GRIA1: variants seen among roughly 807,000 people sequenced by gnomAD.
GRIA1 encodes the protein glutamate receptor 1.
GRIA1 carries 31 observed loss-of-function variants against 99.2 expected under a neutral mutation model. That is an observed-to-expected ratio of 0.31 (90% CI 0.23 to 0.42). The LOEUF is 0.42. GRIA1 is among the 10% of genes least tolerant of loss of function. The pLI, the probability that GRIA1 is intolerant of heterozygous loss-of-function variation, is 1.00. For missense variants in GRIA1, 782 were observed against 1,157.5 expected, an observed-to-expected ratio of 0.68 and a Z score of 4.71; for synonymous variants, 438 against 432.4, an observed-to-expected ratio of 1.01 and a Z score of -0.16.
At chr5:153,594,065 G>A (rs981308471) in intron 2 of GRIA1, among the ~76,000 whole-genome samples, 4 of 152,130 alleles carry the variant, frequency 2.6e-5, no homozygotes, top group Non-Finnish European at 4.4e-5. Context: ...CATTGTGGCT[G>A]ATTAAAAAGT....
At chr5:153,701,800 G>A (rs1022863326) in intron 10 of GRIA1, among the ~76,000 whole-genome samples, 2 of 151,868 alleles carry the variant, frequency 1.3e-5, no homozygotes, top group Non-Finnish European at 2.9e-5. Context: ...TTCATTTGGA[G>A]GCTTCCAAAT....
rs1467087745 is a variant in GRIA1, at chr5:153,690,407, A to T, written c.1134+4078A>T. ...CTAGGCACATGACCTTGAACACATT[A>T]TTTAGCCTCCCTGCAAGTCATTACA... On this transcript the variant is annotated intron_variant, in intron 8 of 15. Transcript: ENST00000285900. Among the ~76,000 whole-genome samples the T allele has an allele frequency of 2.6e-5, 4 of 152,178 alleles. No individual in the cohort carries two copies. The East Asian group carries it at 7.7e-4, about 29-fold the overall frequency.
At chr5:153,519,399 G>A (rs1171134979) in intron 2 of GRIA1, among the ~76,000 whole-genome samples, 2 of 151,926 alleles carry the variant, frequency 1.3e-5, no homozygotes, top group Non-Finnish European at 2.9e-5. Flanking sequence ...ACCAAAGTTT[G>A]ACAACCACTA....
chr5:153,667,648 T>C (rs1281474836), intron 5 of GRIA1, among the ~76,000 whole-genome samples: 2 of 152,342 alleles, frequency 1.3e-5, no homozygotes, highest in Admixed American at 6.5e-5. Context: ...GTAGGTGCTA[T>C]ATCTGCATTT....
chr5:153,577,045 G>GATGA (rs2149369750), intron 2 of GRIA1, among the ~76,000 whole-genome samples: 1 of 123,064 alleles, frequency 8.1e-6, no homozygotes, highest in South Asian at 3.2e-4. Context: ...TGAATGGGTG[G>GATGA]ATGGATGGAT....
At chr5:153,707,594 GA>G (rs1758999361) in intron 11 of GRIA1, among the ~76,000 whole-genome samples, 1 of 152,148 alleles carries the variant, frequency 6.6e-6, no homozygotes, top group Admixed American at 6.5e-5. Flanking sequence ...GACAGATCTG[GA>G]GGCATAAGTG....
At chr5:153,497,108 T>C (rs1581129530) in intron 2 of GRIA1, among the ~76,000 whole-genome samples, 1 of 152,008 alleles carries the variant, frequency 6.6e-6, no homozygotes, top group Non-Finnish European at 1.5e-5. Context: ...CTGGCCAAGG[T>C]GAGAGTTTGG....
chr5:153,641,589 C>T (rs1398602383), intron 2 of GRIA1, among the ~76,000 whole-genome samples: 6 of 152,166 alleles, frequency 3.9e-5, no homozygotes, highest in African/African-American at 1.4e-4. Context: ...GGAGGCAGGG[C>T]CCTCAGAATC....
chr5:153,699,644 C>T (rs1009243818), intron 10 of GRIA1, among the ~76,000 whole-genome samples: 2 of 151,976 alleles, frequency 1.3e-5, no homozygotes, highest in African/African-American at 4.8e-5. Flanking sequence ...TATGAATGTG[C>T]CTTTTAATTG....
chr5:153,808,622 G>A (rs1375187911), intron 15 of GRIA1, among the ~76,000 whole-genome samples: 1 of 152,174 alleles, frequency 6.6e-6, no homozygotes, highest in African/African-American at 2.4e-5. Context: ...TCTAGGATAG[G>A]ATTCAGGCAT....
intron 2 of GRIA1, among the ~76,000 whole-genome samples, chr5:153,496,365 T>C (rs1320018698): frequency 6.6e-6 from 1 of 152,210 alleles, no homozygotes; most frequent in Non-Finnish European, 1.5e-5. Flanking sequence ...GTTAATTCTT[T>C]AAGTGTTTCT....
At chr5:153,576,926 TTGGATGGATGGATGGATGGA>T (rs574916178) in intron 2 of GRIA1, among the ~76,000 whole-genome samples, 21 of 129,554 alleles carry the variant, frequency 1.6e-4, no homozygotes, top group South Asian at 3.2e-4. Flanking sequence ...TCAATAAATA[TTGGATGGATGGATGGATGGA>T]TGGATGGATG....
In GRIA1 at chr5:153,761,721, G is replaced by A. The variant is rs181478605; in HGVS notation, c.1824-2713G>A. On this transcript the variant is annotated intron_variant, in intron 11 of 15. Transcript: ENST00000285900. ...TCAAAGAGATATCTGGCACTTTCAT[G>A]TTTATTGCAGCACTATTCACAGTAA... Among the ~76,000 whole-genome samples the A allele has an allele frequency of 1.2e-3, 177 of 152,306 alleles. 1 individual carries two copies. Among genetic ancestry groups the A allele is most frequent in the Middle Eastern group, 3.4e-3 (1 of 294 alleles).
rs919447733 is a variant in GRIA1 at position 153,779,380 on chromosome 5, C to A, written c.2270+8965C>A. On this transcript the variant is annotated intron_variant, in intron 13 of 15. Coordinates refer to ENST00000285900, the MANE Select transcript of GRIA1 (RefSeq NM_000827.4). ...GCATCACTGCCTTAAAAGGTGGCAT[C>A]CTCAAAACGTCCAGGGAAAACATCA... Among the ~76,000 whole-genome samples the A allele has an allele frequency of 2.6e-5, 4 of 152,146 alleles. No individual in the cohort carries two copies. The South Asian group carries it at 6.2e-4, about 24-fold the overall frequency.
chr5:153,705,692 TTCA>T lies in GRIA1; in HGVS notation c.1453-4_1453-2del. 3 of 1,262,204 alleles carry T rather than the reference TTCA, an allele frequency of 2.4e-6. No homozygotes were observed. Among genetic ancestry groups the T allele is most frequent in the Non-Finnish European group, 1.0e-6 (1 of 981,050 alleles). 78.2% of individuals were successfully genotyped at this position (1,262,204 alleles called of 1,614,324 possible). A position where few individuals can be genotyped will look rare whatever the true frequency, so the allele number is the denominator to read the frequency against. ...TTTTTTTTTTTTTTTTTTTTTTTTT[TTCA>T]GAGAGCAGATGTGGCTGTGGCTCCC... On this transcript the variant is annotated splice_acceptor_variant and splice_polypyrimidine_tract_variant and intron_variant, in intron 10 of 15. Transcript: ENST00000285900. LOFTEE classifies it high-confidence loss of function.
At chr5:153,508,480 A>C (rs1291736127) in intron 2 of GRIA1, among the ~76,000 whole-genome samples, 1 of 152,208 alleles carries the variant, frequency 6.6e-6, no homozygotes, top group East Asian at 1.9e-4. Flanking sequence ...TAAAGGCTTT[A>C]AATGAGAGTG....
At chr5:153,731,923 A>G (rs72802698) in intron 11 of GRIA1, among the ~76,000 whole-genome samples, 8,447 of 152,124 alleles carry the variant, frequency 0.056, 292 homozygotes, top group Non-Finnish European at 0.075. Context: ...ATGACCCCTG[A>G]TATCCACCCT....
At chr5:153,597,907 G>A (rs887340339) in intron 2 of GRIA1, among the ~76,000 whole-genome samples, 1 of 151,992 alleles carries the variant, frequency 6.6e-6, no homozygotes, top group Non-Finnish European at 1.5e-5. Flanking sequence ...ATCTACTCAG[G>A]AGGCTGAGTT....
intron 2 of GRIA1, among the ~76,000 whole-genome samples, chr5:153,544,156 T>A (rs1305554092): frequency 1.3e-5 from 2 of 152,194 alleles, no homozygotes; most frequent in Non-Finnish European, 2.9e-5. Context: ...ATAAGAATGC[T>A]AGGAATGGGA....
Sources: allele counts gnomAD v4.1 joint callset (sites outside exome capture counted in the v4.1 genomes callset), GRCh38; gene constraint gnomAD v4.1.1; transcripts MANE v1.5; gene names NCBI Gene and HGNC (gene_info 2026-07-23, HGNC 2026-07-21).